NSUN2: variants seen among roughly 807,000 people sequenced by gnomAD.
NSUN2 encodes NOP2/Sun RNA methyltransferase 2.
Under a neutral mutation model 92.7 loss-of-function variants are expected in NSUN2, and 63 were observed. The observed-to-expected ratio is 0.68, with a 90% CI of 0.56 to 0.84. NSUN2 has a LOEUF of 0.84. NSUN2 is among the 40% of genes least tolerant of loss of function. The pLI, the probability that NSUN2 is intolerant of heterozygous loss-of-function variation, is 0.00. For synonymous variants in NSUN2, 356 were observed against 348.3 expected, an observed-to-expected ratio of 1.02 and a Z score of -0.25; for missense variants, 989 against 964.9, an observed-to-expected ratio of 1.02 and a Z score of -0.33.
Position 6,616,725 on chromosome 5 carries a change from A to T in NSUN2, c.1021+2T>A. 6.2e-7 allele frequency: 1 copy of T among 1,613,850 alleles called. No homozygotes were observed. Among genetic ancestry groups the T allele is most frequent in the Non-Finnish European group, 8.5e-7 (1 of 1,179,812 alleles). ...AATAAAAGATCCATCAAGCGTGCTTACCTTCACTTTTTTCCAGTAAAGATG... is the reference window on the plus strand; with the variant it reads ...AATAAAAGATCCATCAAGCGTGCTTTCCTTCACTTTTTTCCAGTAAAGATG... On this transcript the variant is annotated splice_donor_variant, in intron 9 of 18. Coordinates refer to ENST00000264670, the MANE Select transcript of NSUN2 (RefSeq NM_017755.6). LOFTEE classifies it high-confidence loss of function.
intron 2 of NSUN2, 91 bp downstream of exon 2, chr5:6,632,508 G>A (rs1295180193): frequency 1.0e-5 from 15 of 1,433,034 alleles, no homozygotes; most frequent in East Asian, 6.9e-5. Context: ...CGGTTCTCTG[G>A]CACTGTAACA....
chr5:6,622,847 C>CAAAAAAA (rs36124758), intron 5 of NSUN2, among the ~76,000 whole-genome samples: 1 of 126,912 alleles, frequency 7.9e-6, no homozygotes, highest in Non-Finnish European at 1.6e-5. Flanking sequence ...AACTCCATCT[C>CAAAAAAA]AAAAAAAAAA....
intron 18 of NSUN2, among the ~76,000 whole-genome samples, chr5:6,601,675 T>C (rs1736563803): frequency 6.6e-6 from 1 of 152,114 alleles, no homozygotes; most frequent in Non-Finnish European, 1.5e-5. Flanking sequence ...TGCGCTTTGG[T>C]GGTTCCTTCA....
chr5:6,620,769 G>A (rs1173304825), intron 6 of NSUN2: 1 of 152,822 alleles, frequency 6.5e-6, no homozygotes, highest in Non-Finnish European at 1.5e-5. Flanking sequence ...AGGCTGGGAA[G>A]TCTACTGGGT....
At chr5:6,617,323 G>A (rs921936985) in intron 8 of NSUN2, among the ~76,000 whole-genome samples, 3 of 152,074 alleles carry the variant, frequency 2.0e-5, no homozygotes, top group Non-Finnish European at 4.4e-5. Context: ...AGTATTCTGT[G>A]GCTCAGGCAC....
intron 8 of NSUN2, among the ~76,000 whole-genome samples, chr5:6,617,295 T>C (rs1387166141): frequency 1.3e-5 from 2 of 152,210 alleles, no homozygotes; most frequent in Non-Finnish European, 2.9e-5. Context: ...CTATAGTTGG[T>C]TGTGGTGGAT....
intron 6 of NSUN2, chr5:6,621,747 CA>C (rs36037471): frequency 0.038 from 9,190 of 244,694 alleles, no homozygotes; most frequent in South Asian, 0.07. Flanking sequence ...GACTCCATCT[CA>C]AAAAAAAAAA....
intron 18 of NSUN2, among the ~76,000 whole-genome samples, chr5:6,601,201 A>G (rs1041672070): frequency 6.6e-6 from 1 of 152,008 alleles, no homozygotes; most frequent in Non-Finnish European, 1.5e-5. Flanking sequence ...TTGACCTGTC[A>G]CCTGTGTATT....
In NSUN2 at chr5:6,599,657, C is replaced by T; in HGVS notation, c.*269G>A. The T allele has an allele frequency of 2.5e-6, 1 of 407,302 alleles. No homozygotes were observed. The highest frequency in any genetic ancestry group is 4.4e-6 in the Non-Finnish European group (1 of 229,622). The allele number at this position is 407,302 out of a possible 1,614,324, so 25.2% of individuals were successfully genotyped here. A position where few individuals can be genotyped will look rare whatever the true frequency, so the allele number is the denominator to read the frequency against. Reference sequence around the variant, plus strand: ...GAAGTACAACTTTTGAAAGTCTATTCCCAGCAAAAGAAACACTAGACCCAG... The same window carrying T: ...GAAGTACAACTTTTGAAAGTCTATTTCCAGCAAAAGAAACACTAGACCCAG... On this transcript the variant is annotated 3_prime_UTR_variant, in exon 19 of 19. Transcript: ENST00000264670.
intron 18 of NSUN2, among the ~76,000 whole-genome samples, chr5:6,600,556 C>T (rs761873536): frequency 6.6e-6 from 1 of 152,176 alleles, no homozygotes; most frequent in Non-Finnish European, 1.5e-5. Flanking sequence ...GTCCCCGCCA[C>T]CCCGTGTCAC....
chr5:6,632,281 A>C (rs772131464), intron 2 of NSUN2, among the ~76,000 whole-genome samples: 7 of 152,142 alleles, frequency 4.6e-5, no homozygotes, highest in Non-Finnish European at 1.0e-4. Flanking sequence ...GGAGGGGAGA[A>C]CCAAGGGGTT....
intron 4 of NSUN2, among the ~76,000 whole-genome samples, chr5:6,624,808 TTAGAAAA>T (rs11278007): frequency 0.36 from 53,953 of 151,668 alleles, 9,729 homozygotes; most frequent in Middle Eastern, 0.46. Context: ...AGGTAGTAGT[TTAGAAAA>T]TAGGAAGGAC....
At chr5:6,618,692 A>C (rs1397036392) in intron 7 of NSUN2, among the ~76,000 whole-genome samples, 1 of 152,312 alleles carries the variant, frequency 6.6e-6, no homozygotes, top group South Asian at 2.1e-4. Context: ...AATCACCGTT[A>C]AATTTCTGAC....
intron 15 of NSUN2, 149 bp downstream of exon 15, chr5:6,605,124 G>T: frequency 9.5e-7 from 1 of 1,048,340 alleles, no homozygotes; most frequent in Non-Finnish European, 1.4e-6. Context: ...CAACAGCTCT[G>T]AAATCAAAGG....
intron 15 of NSUN2, 106 bp downstream of exon 15, chr5:6,605,167 G>T (rs1736714005): frequency 2.0e-6 from 3 of 1,463,844 alleles, no homozygotes; most frequent in South Asian, 1.3e-5. Flanking sequence ...AGCGCTACAG[G>T]TGGGGAGGGC....
At chr5:6,630,513 T>C (rs1737835175) in intron 3 of NSUN2, among the ~76,000 whole-genome samples, 1 of 152,102 alleles carries the variant, frequency 6.6e-6, no homozygotes, top group Non-Finnish European at 1.5e-5. Flanking sequence ...ACGATGTTGG[T>C]CATATTTATT....
rs554906798 is a variant in NSUN2, at chr5:6,607,363, T to A, written c.1345A>T (p.Thr449Ser). Residue 449 changes from threonine to serine, a missense_variant, in exon 13 of 19, where the codon ACC becomes TCC. Transcript: ENST00000264670. ...GGGCTCAGCTGTGTGCTTTCTCTGG[T>A]CTCTGCAGATTTACCCTGAAGCTGT... ...QPKLQGKSAE[T>S]RESTQLSPAD... 3.1e-6 allele frequency: 5 copies of A among 1,614,048 alleles called. No individual in the cohort carries two copies. The South Asian group carries it at 5.5e-5, about 18-fold the overall frequency.
chr5:6,628,106 G>A (rs945484757), intron 3 of NSUN2, among the ~76,000 whole-genome samples: 1 of 152,154 alleles, frequency 6.6e-6, no homozygotes, highest in African/African-American at 2.4e-5. Context: ...CCAGCACTTT[G>A]GGAGACCAAG....
At position 6,632,726 on chromosome 5, in the gene NSUN2, T is replaced by C. The variant is rs1477302860; in HGVS notation, c.127A>G (p.Lys43Glu). 1 of 1,614,008 alleles carries C rather than the reference T, an allele frequency of 6.2e-7. No homozygotes were observed. The highest frequency in any genetic ancestry group is 1.1e-5 in the South Asian group (1 of 91,070). The change falls in exon 2 of 19, where the codon AAG becomes GAG. Residue 43 changes from lysine to glutamate, a missense_variant. Coordinates refer to ENST00000264670, the MANE Select transcript of NSUN2 (RefSeq NM_017755.6). ...GWEGGYPEIV[K>E]ENKLFEHYYQ... ...TAGTGCTCGAACAGCTTGTTCTCCT[T>C]GACGATCTCGGGGTAGCCTCCTTCC...
Sources: allele counts gnomAD v4.1 joint callset (sites outside exome capture counted in the v4.1 genomes callset), GRCh38; gene constraint gnomAD v4.1.1; transcripts MANE v1.5; gene names NCBI Gene and HGNC (gene_info 2026-07-23, HGNC 2026-07-21).